The following MROH6 variants were observed in gnomAD, a reference collection of about 807,000 sequenced individuals.
The protein encoded by MROH6 is maestro heat-like repeat-containing protein family member 6.
A neutral mutation model predicts 67.7 loss-of-function variants in MROH6; 62 were observed. The observed-to-expected ratio is 0.92, with a 90% confidence interval of 0.75 to 1.13. The LOEUF (loss-of-function observed/expected upper bound fraction) is 1.13, where lower values mean the gene tolerates loss of function less well. Ranked by LOEUF, MROH6 falls within the 50% of genes most tolerant of loss-of-function variation. The probability of loss-of-function intolerance (pLI) is 0.00; values close to 1 mark genes in which losing one functional copy is unlikely to be tolerated. For missense variants in MROH6, 1,175 were observed against 1,029.1 expected (o/e 1.14, Z -1.94); for synonymous variants, 566 against 470.8 (o/e 1.20, Z -2.62).
chr8:143,571,860 C>T (rs2130664929), intron 2 of MROH6, 39 bp from the exon 3 acceptor site: 1 of 1,522,006 alleles, frequency 6.6e-7, no homozygotes, highest in East Asian at 2.5e-5. Context: ...GTCAGGCCTC[C>T]TCCACCGTCC....
chr8:143,569,617 G>A lies in MROH6; in HGVS notation c.1303-3C>T. ...AGCAGCGTGCTCACGTGCCGCACCTGCTGGGACTCGGGGTCAGCCTCTTGC... is the reference window on the plus strand; with the variant it reads ...AGCAGCGTGCTCACGTGCCGCACCTACTGGGACTCGGGGTCAGCCTCTTGC... On this transcript the variant is annotated splice_region_variant and splice_polypyrimidine_tract_variant and intron_variant, in intron 8 of 13. Transcript: ENST00000398882. 7.0e-6 allele frequency: 11 copies of A among 1,581,386 alleles called. No individual in the cohort carries two copies. Among genetic ancestry groups the A allele is most frequent in the Non-Finnish European group, 9.4e-6 (11 of 1,164,190 alleles).
intron 5 of MROH6, 28 bp from the exon 6 acceptor site, chr8:143,570,408 G>T: frequency 6.2e-7 from 1 of 1,606,748 alleles, no homozygotes. Context: ...GAGCAGGTGG[G>T]CAGTGGGAGC....
At position 143,567,817 on chromosome 8, in the gene MROH6, G is replaced by A. The variant is rs775860995; in HGVS notation, c.1836C>T (p.Asp612=). Residue 612 remains aspartate, a synonymous_variant, in exon 12 of 14, where the codon GAC becomes GAT. Coordinates refer to ENST00000398882, the MANE Select transcript of MROH6 (RefSeq NM_001100878.2). ...QTQGYLRSPQ[D]PLRRAAAVLI... ...GCACGGCGGCTGCCCGGCGCAGGGG[G>A]TCCTGTGGACTCCGCAGGTAGCCCT... The A allele has an allele frequency of 1.4e-5, 21 of 1,536,898 alleles. No homozygotes were observed. The highest frequency in any genetic ancestry group is 4.1e-5 in the African/African-American group (3 of 72,454).
chr8:143,572,033 C>A lies in MROH6; in HGVS notation c.447G>T (p.Gln149His). ...GGGCATGAAGTGGGTGAAGGCTGAC[C>A]TGGTCCTCCAACCGCTCGCCCCGGG... ...LEARGERLED[Q>H]VHALVRGLLA... The change falls in exon 2 of 14, where the codon CAG becomes CAT. Residue 149 changes from glutamine to histidine, a missense_variant and splice_region_variant. Coordinates refer to ENST00000398882, the MANE Select transcript of MROH6 (RefSeq NM_001100878.2). The A allele has an allele frequency of 2.5e-6, 4 of 1,610,650 alleles. No individual in the cohort carries two copies. The South Asian group carries it at 4.4e-5, about 18-fold the overall frequency.
chr8:143,569,013 G>T, intron 9 of MROH6: 1 of 406,368 alleles, frequency 2.5e-6, no homozygotes. Flanking sequence ...GGGAGGGGCG[G>T]GGGCGGTCAG....
In MROH6 at chr8:143,572,699, A is replaced by C; in HGVS notation, c.16T>G (p.Trp6Gly). The C allele has an allele frequency of 1.3e-6, 2 of 1,500,368 alleles. No individual in the cohort carries two copies. The highest frequency in any genetic ancestry group is 1.8e-6 in the Non-Finnish European group (2 of 1,127,586). The allele number at this position is 1,500,368 out of a possible 1,614,324, so 92.9% of individuals were successfully genotyped here. MAGGVWGRSRAREAPV... is the reference protein window; with the variant it reads MAGGVGGRSRAREAPV... ...GCCTCCCGGGCCCGGCTCCGGCCCC[A>C]CACACCCCCAGCCATGGCGGCCCTT... Residue 6 changes from tryptophan (W) to glycine (G), a missense_variant, in exon 1 of 14, where the codon TGG becomes GGG. Physicochemically the swap from Trp to Gly is radical, Grantham distance 184. Transcript: ENST00000398882.
Position 143,571,695 on chromosome 8 carries a change from G to A in MROH6, c.574C>T (p.Leu192=). Reference sequence around the variant, plus strand: ...TCGGCGGGCAGAGAGCGGGGTAGCAGCGCACACACCACGTCCCGCGCATGC... The same window carrying A: ...TCGGCGGGCAGAGAGCGGGGTAGCAACGCACACACCACGTCCCGCGCATGC... ...LEHARDVVCA[L]LPRSLPADRV... Residue 192 remains leucine, a synonymous_variant, in exon 3 of 14, where the codon CTG becomes TTG. Coordinates refer to ENST00000398882, the MANE Select transcript of MROH6 (RefSeq NM_001100878.2). 2 of 1,552,726 alleles carry A rather than the reference G, an allele frequency of 1.3e-6. No individual in the cohort carries two copies. The highest frequency in any genetic ancestry group is 1.2e-5 in the South Asian group (1 of 84,342).
rs201550753 is a variant in MROH6, at chr8:143,567,843, G to C, written c.1810C>G (p.Gln604Glu). 4.2e-5 allele frequency: 65 copies of C among 1,531,738 alleles called. No individual in the cohort carries two copies. The highest frequency in any genetic ancestry group is 1.8e-4 in the Middle Eastern group (1 of 5,608). 94.9% of individuals were successfully genotyped at this position (1,531,738 alleles called of 1,614,324 possible). A position where few individuals can be genotyped will look rare whatever the true frequency, so the allele number is the denominator to read the frequency against. Reference sequence around the variant, plus strand: ...TCCTGTGGACTCCGCAGGTAGCCCTGGGTCTGGCTCAGGAAGTTGGGCACG... The same window carrying C: ...TCCTGTGGACTCCGCAGGTAGCCCTCGGTCTGGCTCAGGAAGTTGGGCACG... ...GHVPNFLSQT[Q>E]GYLRSPQDPL... is the part of the protein sequence containing the mutation. Residue 604 changes from glutamine (Q) to glutamate (E), a missense_variant, in exon 12 of 14, where the codon CAG (glutamine) becomes GAG (glutamate). Gln to Glu is a conservative substitution (Grantham distance 29, BLOSUM62 2). Transcript: ENST00000398882.
intron 10 of MROH6, 46 bp downstream of exon 10, chr8:143,568,506 G>T: frequency 6.8e-7 from 1 of 1,480,120 alleles, no homozygotes; most frequent in Non-Finnish European, 9.0e-7. Context: ...TGGGAGTGGT[G>T]AGTGTTGGAT....
At position 143,572,624 on chromosome 8, in the gene MROH6, T is replaced by C; in HGVS notation, c.91A>G (p.Arg31Gly). The C allele has an allele frequency of 1.3e-6, 2 of 1,588,050 alleles. No homozygotes were observed. The highest frequency in any genetic ancestry group is 1.7e-6 in the Non-Finnish European group (2 of 1,171,724). The change falls in exon 1 of 14, where the codon AGG becomes GGG. Residue 31 changes from arginine (R) to glycine (G), a missense_variant. Physicochemically the swap from Arg to Gly is moderately radical, Grantham distance 125. Transcript: ENST00000398882. ...LTALTEGIRA[R>G]QGQPQGPPSA... is the part of the protein sequence containing the mutation. ...GGGGGTCCCTGGGGCTGCCCCTGCC[T>C]GGCCCGGATTCCTTCAGTCAGTGCT...
chr8:143,569,889 G>T (rs773468608), intron 7 of MROH6, 49 bp from the exon 8 acceptor site: 27 of 1,609,970 alleles, frequency 1.7e-5, no homozygotes, highest in Middle Eastern at 1.6e-4. Context: ...CGTGCAGGCC[G>T]CTGCGATTCA....
In MROH6 at chr8:143,572,288, T is replaced by A. The variant is rs931091063; in HGVS notation, c.295-103A>T. On this transcript the variant is annotated intron_variant, in intron 1 of 13. Coordinates refer to ENST00000398882, the MANE Select transcript of MROH6 (RefSeq NM_001100878.2). Reference sequence around the variant, plus strand: ...GGCTTCCTACAAAATCCCTTGCTCCTCTGTTGCTCACCAGCCTGTTTCACG... The same window carrying A: ...GGCTTCCTACAAAATCCCTTGCTCCACTGTTGCTCACCAGCCTGTTTCACG... The A allele has an allele frequency of 3.9e-6, 6 of 1,537,742 alleles. No homozygotes were observed. In the East Asian group the frequency reaches 1.4e-4, roughly 35 times the overall value.
At chr8:143,568,877 T>C (rs1199934085) in intron 9 of MROH6, 158 bp from the exon 10 acceptor site, 11 of 572,270 alleles carry the variant, frequency 1.9e-5, no homozygotes, top group South Asian at 7.1e-5. Context: ...CTGGACCTGG[T>C]TGGGAAGCCT....
rs1823651511 is a variant in MROH6 at position 143,567,104 on chromosome 8, CGGGGGTG to C, written c.*128_*134del. On this transcript the variant is annotated 3_prime_UTR_variant, in exon 14 of 14. Coordinates refer to ENST00000398882, the MANE Select transcript of MROH6 (RefSeq NM_001100878.2). ...GTGGTGGGTGCCTGAAGAGGGGTCA[CGGGGGTG>C]GGGGGTGGGGGAGGGCATTGGCGTC... 3 of 263,718 alleles carry C rather than the reference CGGGGGTG, an allele frequency of 1.1e-5. No individual in the cohort carries two copies. Among genetic ancestry groups the C allele is most frequent in the Non-Finnish European group, 1.6e-5 (3 of 184,746 alleles). The allele number at this position is 263,718 out of a possible 1,614,324, so 16.3% of individuals were successfully genotyped here. A position where few individuals can be genotyped will look rare whatever the true frequency, so the allele number is the denominator to read the frequency against.
Position 143,567,625 on chromosome 8 carries a change from T to C in MROH6, c.1919A>G (p.Asp640Gly). 1 of 1,565,450 alleles carries C rather than the reference T, an allele frequency of 6.4e-7. No individual in the cohort carries two copies. The highest frequency in any genetic ancestry group is 2.4e-5 in the East Asian group (1 of 41,866). The stretch of plus-strand genomic sequence containing the variant: ...TGGGGCCTCACCCTGGAACAGGGAG[T>C]CCAGCAGGTCCTGGTTGACACAGCC... Reference protein sequence around the residue: ...SPGCVNQDLLDSLFQDLGRLQ... With the variant: ...SPGCVNQDLLGSLFQDLGRLQ... The change falls in exon 13 of 14, where the codon GAC becomes GGC. Residue 640 changes from aspartate to glycine, a missense_variant. Coordinates refer to ENST00000398882, the MANE Select transcript of MROH6 (RefSeq NM_001100878.2).
At chr8:143,567,704 G>A (rs1823704659) in intron 12 of MROH6, 28 bp from the exon 13 acceptor site, 2 of 1,577,228 alleles carry the variant, frequency 1.3e-6, no homozygotes, top group Non-Finnish European at 1.7e-6. Flanking sequence ...CATGAGTGCA[G>A]GCCCCACAGC....
rs1823891310 is a variant in MROH6, at chr8:143,569,769, C to G, written c.1230G>C (p.Gln410His). The G allele has an allele frequency of 6.2e-7, 1 of 1,612,862 alleles. No individual in the cohort carries two copies. Among genetic ancestry groups the G allele is most frequent in the African/African-American group, 1.3e-5 (1 of 74,944 alleles). Residue 410 changes from glutamine (Q) to histidine (H), a missense_variant, in exon 8 of 14, where the codon CAG becomes CAC. Physicochemically the swap from Gln to His is conservative, Grantham distance 24. Coordinates refer to ENST00000398882, the MANE Select transcript of MROH6 (RefSeq NM_001100878.2). ...EVILERLLTW[Q>H]GDPEPTVRWL... ...AGCGCACAGTGGGTTCGGGGTCTCC[C>G]TGCCAGGTGAGGAGTCGCTCCAGGA...
chr8:143,568,192 C>CGGTG lies in MROH6; in HGVS notation c.1710_1713dup (p.Val572HisfsTer6), dbSNP rs762807957. ...GCCTCGGGGCTGTCATAGTGGGCCACGGTGACCAACTCCTCCAGCAGGCCC... is the reference window on the plus strand; with the variant it reads ...GCCTCGGGGCTGTCATAGTGGGCCACGGTGGGTGACCAACTCCTCCAGCAGGCCC... On this transcript the variant is annotated frameshift_variant, in exon 11 of 14. Coordinates refer to ENST00000398882, the MANE Select transcript of MROH6 (RefSeq NM_001100878.2). LOFTEE classifies it high-confidence loss of function. 5 of 1,610,556 alleles carry CGGTG rather than the reference C, an allele frequency of 3.1e-6. No homozygotes were observed. The highest frequency in any genetic ancestry group is 1.3e-5 in the African/African-American group (1 of 74,890).
intron 9 of MROH6, 103 bp downstream of exon 9, chr8:143,569,338 C>T: frequency 2.2e-6 from 2 of 899,062 alleles, no homozygotes; most frequent in Non-Finnish European, 2.9e-6. Context: ...GAGGGCGGGG[C>T]CTGGGCGGGA....
Sources: allele counts gnomAD v4.1 joint callset, GRCh38; gene constraint gnomAD v4.1.1; transcripts MANE v1.5; gene names NCBI Gene and HGNC (gene_info 2026-07-23, HGNC 2026-07-21).